Variants in PFKFB4 observed in about 807,000 individuals in gnomAD.
The protein encoded by PFKFB4 is 6-phosphofructo-2-kinase/fructose-2,6-bisphosphatase 4.
In PFKFB4, 42 loss-of-function variants were observed where a neutral mutation model predicts 62.8. The ratio of observed to expected loss-of-function variants is 0.67; its 90% confidence interval spans 0.52 to 0.86. The LOEUF (loss-of-function observed/expected upper bound fraction) is 0.86. Among genes scored for constraint, PFKFB4 ranks in the 40% least tolerant of loss-of-function variants. PFKFB4 has a pLI of 0.00. For missense variants in PFKFB4, 475 were observed against 627.2 expected (o/e 0.76, Z 2.59); for synonymous variants, 204 against 240.7 (o/e 0.85, Z 1.41).
intron 3 of PFKFB4, among the ~76,000 whole-genome samples, chr3:48,545,630 T>G (rs1373558402): frequency 1.3e-5 from 2 of 151,518 alleles, no homozygotes; most frequent in Non-Finnish European, 2.9e-5. Flanking sequence ...TTCTTTTCTT[T>G]CTTTTGTTTT....
At chr3:48,562,513 C>T (rs2043447979), upstream of PFKFB4, 2 of 508,228 alleles carry the variant, frequency 3.9e-6, no homozygotes, top group Non-Finnish European at 3.5e-6. This position sits in a 1 kb window ranked among gnomAD's most constrained non-coding sequence, Gnocchi z 4.3. Context: ...GTGGGGCACA[C>T]AGGCATGGCA....
chr3:48,531,586 G>A (rs1200403782), intron 9 of PFKFB4, among the ~76,000 whole-genome samples: 1 of 151,222 alleles, frequency 6.6e-6, no homozygotes, highest in Non-Finnish European at 1.5e-5. Flanking sequence ...CTCCCAAAGT[G>A]CTTGGATTAC....
chr3:48,520,863 G>A (rs1240466453), intron 13 of PFKFB4, among the ~76,000 whole-genome samples: 1 of 152,202 alleles, frequency 6.6e-6, no homozygotes, highest in Non-Finnish European at 1.5e-5. Context: ...CCATCACCCT[G>A]CCAACCCAGG....
At chr3:48,530,509 C>A (rs1446084221) in intron 9 of PFKFB4, among the ~76,000 whole-genome samples, 1 of 151,644 alleles carries the variant, frequency 6.6e-6, no homozygotes, top group Non-Finnish European at 1.5e-5. Flanking sequence ...CATTGCCTAC[C>A]TTTCAAATAA....
At chr3:48,556,917 CCA>C, upstream of PFKFB4, 3 of 1,417,954 alleles carry the variant, frequency 2.1e-6, no homozygotes, top group Non-Finnish European at 2.8e-6. The surrounding 1 kb of genome is among the most constrained non-coding windows in gnomAD (Gnocchi z 5.7). Context: ...AGGTCCCGCC[CCA>C]GAGTGAGTAG....
intron 8 of PFKFB4, among the ~76,000 whole-genome samples, chr3:48,536,034 T>A (rs2042594956): frequency 6.6e-6 from 1 of 152,190 alleles, no homozygotes; most frequent in Non-Finnish European, 1.5e-5. Context: ...AGGGGCTCAG[T>A]GAGTGACAGC....
At chr3:48,549,842 C>G (rs138593611) in intron 3 of PFKFB4, 22 bp downstream of exon 3, 76 of 1,458,822 alleles carry the variant, frequency 5.2e-5, no homozygotes, top group Middle Eastern at 3.5e-4. Context: ...CCTCTCCCCC[C>G]ACACCCAACA....
chr3:48,535,929 T>C (rs958044801), intron 8 of PFKFB4, among the ~76,000 whole-genome samples: 3 of 152,232 alleles, frequency 2.0e-5, no homozygotes, highest in Non-Finnish European at 4.4e-5. Flanking sequence ...TGCCCTGTGC[T>C]ACGTGACCAC....
In PFKFB4 at chr3:48,523,694, C is replaced by A; in HGVS notation, c.1222+7G>T. The A allele has an allele frequency of 6.2e-7, 1 of 1,614,128 alleles. No homozygotes were observed. Among genetic ancestry groups the A allele is most frequent in the Non-Finnish European group, 8.5e-7 (1 of 1,179,994 alleles). On this transcript the variant is annotated splice_region_variant and intron_variant, in intron 11 of 13. Transcript: ENST00000232375. The stretch of plus-strand genomic sequence containing the variant: ...CCTTCCCACCTCCCCCGGGGCACAG[C>A]CCACACCTGCTGCCTTGTCGAGGAA...
chr3:48,532,603 C>T (rs2042462763), intron 9 of PFKFB4, among the ~76,000 whole-genome samples: 2 of 152,202 alleles, frequency 1.3e-5, no homozygotes, highest in Admixed American at 1.3e-4. Context: ...GTAATCCTAG[C>T]ACTTTGAGAG....
chr3:48,544,441 C>CTTTTTTTTTTTT (rs34817026), intron 3 of PFKFB4, among the ~76,000 whole-genome samples: 1 of 100,368 alleles, frequency 1.0e-5, no homozygotes, highest in African/African-American at 4.0e-5. Flanking sequence ...GTTTTCAGAT[C>CTTTTTTTTTTTT]TTTTTTTTTT....
chr3:48,522,640 G>C (rs897078460), intron 12 of PFKFB4, among the ~76,000 whole-genome samples: 3 of 152,220 alleles, frequency 2.0e-5, no homozygotes, highest in African/African-American at 7.2e-5. Flanking sequence ...CAGGCCCTGA[G>C]GACCAAGGGG....
chr3:48,536,200 G>A, intron 8 of PFKFB4, 56 bp downstream of exon 8: 1 of 1,514,810 alleles, frequency 6.6e-7, no homozygotes, highest in Non-Finnish European at 9.1e-7. Context: ...CATATACCCA[G>A]CCACGCAGGG....
intron 9 of PFKFB4, among the ~76,000 whole-genome samples, chr3:48,528,335 CG>C (rs371658469): frequency 9.2e-5 from 14 of 152,214 alleles, no homozygotes; most frequent in African/African-American, 3.4e-4. Flanking sequence ...CTACTCCTAG[CG>C]TACAGTGAGG....
chr3:48,550,259 A>G, intron 1 of PFKFB4, 25 bp from the exon 2 acceptor site: 1 of 1,500,870 alleles, frequency 6.7e-7, no homozygotes, highest in Non-Finnish European at 9.3e-7. Flanking sequence ...GCACAGTGTC[A>G]GATGAGGGCT....
intron 5 of PFKFB4, 82 bp downstream of exon 5, chr3:48,539,615 C>A (rs2042739757): frequency 1.7e-6 from 2 of 1,148,536 alleles, no homozygotes; most frequent in South Asian, 2.5e-5. Context: ...GCCCCTCATG[C>A]ATAAGCAGGC....
chr3:48,532,478 T>C (rs924567195), intron 9 of PFKFB4, among the ~76,000 whole-genome samples: 8 of 152,212 alleles, frequency 5.3e-5, no homozygotes, highest in African/African-American at 1.9e-4. Context: ...AAGTGGAAGC[T>C]GTCCAAGTGT....
chr3:48,522,119 T>TAGATG, intron 12 of PFKFB4, 69 bp from the exon 13 acceptor site: 1 of 1,404,782 alleles, frequency 7.1e-7, no homozygotes, highest in Non-Finnish European at 1.0e-6. Flanking sequence ...GCTAGAAACT[T>TAGATG]CTCTTGGAGG....
upstream of PFKFB4, chr3:48,556,816 C>G: frequency 6.4e-7 from 1 of 1,574,512 alleles, no homozygotes. This position sits in a 1 kb window ranked among gnomAD's most constrained non-coding sequence, Gnocchi z 5.7. Flanking sequence ...CGCTTCCAAC[C>G]CAGCAGCCGG....
Sources: allele counts gnomAD v4.1 joint callset (sites outside exome capture counted in the v4.1 genomes callset), GRCh38; gene constraint gnomAD v4.1.1; non-coding constraint Gnocchi (gnomAD v3.1); transcripts MANE v1.5; gene names NCBI Gene and HGNC (gene_info 2026-07-23, HGNC 2026-07-21).